ENTREP2: variants seen among roughly 807,000 people sequenced by gnomAD.
ENTREP2 encodes protein ENTREP2.
the ENTREP2 span, among the ~76,000 whole-genome samples, chr15:29,595,921 C>G: frequency 6.6e-6 from 1 of 151,988 alleles, no homozygotes; most frequent in Non-Finnish European, 1.5e-5. Flanking sequence ...TTTGTGAGCA[C>G]TTCGTTATTT....
chr15:29,156,476 C>T, the ENTREP2 span, among the ~76,000 whole-genome samples: 85 of 152,266 alleles, frequency 5.6e-4, no homozygotes, highest in Middle Eastern at 0.017. Context: ...GTGCAAGCCA[C>T]GGTGCCTAGC....
the ENTREP2 span, among the ~76,000 whole-genome samples, chr15:29,586,246 G>A: frequency 1.3e-5 from 2 of 152,170 alleles, no homozygotes; most frequent in East Asian, 3.8e-4. Flanking sequence ...GGTATGAAAT[G>A]CCCAGAAGAG....
At chr15:29,374,656 T>C in the ENTREP2 span, 1 of 152,152 alleles carries the variant, frequency 6.6e-6, no homozygotes, top group African/African-American at 2.4e-5. Context: ...ATTACTACTA[T>C]TTCTTCAAGT....
chr15:29,283,016 G>A, the ENTREP2 span, among the ~76,000 whole-genome samples: 1 of 152,308 alleles, frequency 6.6e-6, no homozygotes, highest in South Asian at 2.1e-4. Context: ...TGCTCACACA[G>A]GGAGCTGGGA....
At chr15:29,324,668 G>A in the ENTREP2 span, among the ~76,000 whole-genome samples, 2 of 152,108 alleles carry the variant, frequency 1.3e-5, no homozygotes, top group Non-Finnish European at 2.9e-5. Flanking sequence ...GTCAATACGA[G>A]CATCCATAGT....
At chr15:29,570,620 A>G in the ENTREP2 span, 7 of 1,442,250 alleles carry the variant, frequency 4.9e-6, no homozygotes, top group Non-Finnish European at 6.4e-6. Flanking sequence ...CGTGGCCCCG[A>G]GCGCCAGCAC....
chr15:29,277,345 GAAAA>G, the ENTREP2 span, among the ~76,000 whole-genome samples: 5 of 123,734 alleles, frequency 4.0e-5, no homozygotes, highest in African/African-American at 1.1e-4. Flanking sequence ...CCGTCTCAAA[GAAAA>G]AAAAAAAAAA....
chr15:29,170,402 A>C, the ENTREP2 span, among the ~76,000 whole-genome samples: 1 of 152,140 alleles, frequency 6.6e-6, no homozygotes, highest in Non-Finnish European at 1.5e-5. Context: ...GATTTACAAT[A>C]GCAAAAAATG....
chr15:29,169,943 A>G, the ENTREP2 span, among the ~76,000 whole-genome samples: 1 of 152,208 alleles, frequency 6.6e-6, no homozygotes, highest in African/African-American at 2.4e-5. Context: ...AATTATTCAT[A>G]CAGAAAACTC....
the ENTREP2 span, among the ~76,000 whole-genome samples, chr15:29,390,359 T>C: frequency 6.6e-6 from 1 of 152,202 alleles, no homozygotes; most frequent in East Asian, 1.9e-4. Flanking sequence ...GAGTCCACAG[T>C]TCACAAAGAA....
At chr15:29,652,039 T>C in the ENTREP2 span, among the ~76,000 whole-genome samples, 2 of 152,052 alleles carry the variant, frequency 1.3e-5, no homozygotes, top group Non-Finnish European at 2.9e-5. Context: ...TGGCTGTCCA[T>C]GGAACAATCA....
the ENTREP2 span, among the ~76,000 whole-genome samples, chr15:29,220,214 C>CTA: frequency 2.2e-4 from 33 of 152,034 alleles, no homozygotes; most frequent in African/African-American, 8.0e-4. Flanking sequence ...AGTGCCCAGC[C>CTA]TAGAACCTTC....
the ENTREP2 span, among the ~76,000 whole-genome samples, chr15:29,142,459 G>T: frequency 7.2e-5 from 11 of 152,238 alleles, no homozygotes; most frequent in Non-Finnish European, 1.6e-4. Context: ...CAGGCCTCAA[G>T]GACCTCAAGG....
the ENTREP2 span, among the ~76,000 whole-genome samples, chr15:29,283,731 T>C: frequency 3.9e-5 from 6 of 152,124 alleles, no homozygotes; most frequent in African/African-American, 1.4e-4. Flanking sequence ...GATACAGAAA[T>C]AGACTATATA....
At chr15:29,189,173 G>A in the ENTREP2 span, among the ~76,000 whole-genome samples, 1 of 152,228 alleles carries the variant, frequency 6.6e-6, no homozygotes, top group African/African-American at 2.4e-5. Context: ...CAGAAGTACA[G>A]GTCACAACCT....
At chr15:29,602,518 T>C in the ENTREP2 span, among the ~76,000 whole-genome samples, 3 of 151,944 alleles carry the variant, frequency 2.0e-5, no homozygotes, top group Admixed American at 1.3e-4. Context: ...ACTGTTTTAG[T>C]TTATTATTTT....
chr15:29,355,273 T>A, the ENTREP2 span, among the ~76,000 whole-genome samples: 1 of 152,112 alleles, frequency 6.6e-6, no homozygotes, highest in Non-Finnish European at 1.5e-5. Flanking sequence ...CATTACCCAA[T>A]TTAAATATGT....
At chr15:29,621,572 T>C in the ENTREP2 span, among the ~76,000 whole-genome samples, 3 of 105,694 alleles carry the variant, frequency 2.8e-5, no homozygotes, top group African/African-American at 3.8e-5. Context: ...GCTCGCACCA[T>C]TAGGATGGCC....
At chr15:29,497,189 C>A in the ENTREP2 span, among the ~76,000 whole-genome samples, 1 of 152,122 alleles carries the variant, frequency 6.6e-6, no homozygotes, top group East Asian at 1.9e-4. Flanking sequence ...GATGTGGGCC[C>A]TAGATCTTGG....
Sources: gnomAD v4.1 joint callset for allele counts (sites outside exome capture counted in the v4.1 genomes callset) on GRCh38, gnomAD v4.1.1 for gene constraint, MANE v1.5 for transcripts, NCBI Gene and HGNC (gene_info 2026-07-23, HGNC 2026-07-21) for gene names.